Variants in ZNF250 observed in about 807,000 individuals in gnomAD.
ZNF250 encodes the protein zinc finger protein (clone 647).
ZNF250 carries 13 observed loss-of-function variants against 37.1 expected under a neutral mutation model. The ratio of observed to expected loss-of-function variants is 0.35; its 90% CI spans 0.23 to 0.56. The LOEUF (loss-of-function observed/expected upper bound fraction) is 0.56. ZNF250 is among the 20% of genes least tolerant of loss of function. ZNF250 has a pLI of 0.87. For missense variants in ZNF250, 474 were observed against 697.9 expected (o/e 0.68, Z 3.61); for synonymous variants, 251 against 265.6 (o/e 0.94, Z 0.54).
chr8:144,881,375 T>G lies in ZNF250; in HGVS notation c.*140A>C. 1 of 1,313,834 alleles carries G rather than the reference T, an allele frequency of 7.6e-7. No homozygotes were observed. The highest frequency in any genetic ancestry group is 1.0e-6 in the Non-Finnish European group (1 of 990,830). The allele number at this position is 1,313,834 out of a possible 1,614,324, so 81.4% of individuals were successfully genotyped here. On this transcript the variant is annotated 3_prime_UTR_variant, in exon 6 of 6. Coordinates refer to ENST00000417550, the MANE Select transcript of ZNF250 (RefSeq NM_001109689.4). ...CCACAGGAACAGCACGCTAAGTGCTTCTTTCTGGAGTTATTTTGTGACACT... is the reference window on the plus strand; with the variant it reads ...CCACAGGAACAGCACGCTAAGTGCTGCTTTCTGGAGTTATTTTGTGACACT...
chr8:144,890,421 G>C lies in ZNF250; in HGVS notation c.-54-18C>G. On this transcript the variant is annotated intron_variant, in intron 1 of 5. Coordinates refer to ENST00000417550, the MANE Select transcript of ZNF250 (RefSeq NM_001109689.4). The surrounding 1 kb of genome is among the most constrained non-coding windows in gnomAD (Gnocchi z 5.1). ...CTATGGGGCTGAGGAAGAGGAGGGG[G>C]CAAGTGAGGGGCATGGCCTTGAGAC... 1 of 1,381,798 alleles carries C rather than the reference G, an allele frequency of 7.2e-7. No homozygotes were observed. The allele number at this position is 1,381,798 out of a possible 1,614,324, so 85.6% of individuals were successfully genotyped here.
intron 5 of ZNF250, among the ~76,000 whole-genome samples, chr8:144,886,045 C>T (rs1479502218): frequency 6.7e-6 from 1 of 149,700 alleles, no homozygotes; most frequent in Non-Finnish European, 1.5e-5. Context: ...ACTGGTGAGC[C>T]GTGATTATGC....
intron 1 of ZNF250, among the ~76,000 whole-genome samples, chr8:144,899,001 G>A (rs1832908997): frequency 6.6e-6 from 1 of 152,096 alleles, no homozygotes; most frequent in Non-Finnish European, 1.5e-5. Context: ...CAAATAAATG[G>A]ATACAGAAAA....
At chr8:144,885,463 C>T (rs1159670225) in intron 5 of ZNF250, among the ~76,000 whole-genome samples, 3 of 151,446 alleles carry the variant, frequency 2.0e-5, no homozygotes, top group Non-Finnish European at 4.4e-5. Context: ...TAGAAAGTCA[C>T]TCTATGTGGG....
chr8:144,885,072 G>A (rs72699316), intron 5 of ZNF250, among the ~76,000 whole-genome samples: 1 of 152,274 alleles, frequency 6.6e-6, no homozygotes, highest in Non-Finnish European at 1.5e-5. Context: ...GAAACAGTGA[G>A]AATTTAACAG....
chr8:144,881,542 C>A lies in ZNF250; in HGVS notation c.1641G>T (p.Gln547His). 1 of 1,598,850 alleles carries A rather than the reference C, an allele frequency of 6.3e-7. No homozygotes were observed. Among genetic ancestry groups the A allele is most frequent in the Non-Finnish European group, 8.6e-7 (1 of 1,168,964 alleles). Residue 547 changes from glutamine (Q) to histidine (H), a missense_variant, in exon 6 of 6, where the codon CAG becomes CAT. Physicochemically the swap from Gln to His is conservative, Grantham distance 24. Coordinates refer to ENST00000417550, the MANE Select transcript of ZNF250 (RefSeq NM_001109689.4). ...RAFNQHGHLI[Q>H]HQKVHRKL ...ACAACTTTCTGTGCACTTTCTGGTG[C>A]TGGATTAGGTGGCCATGCTGGTTGA...
At position 144,891,583 on chromosome 8, in the gene ZNF250, G is replaced by C. The variant is rs1310251225; in HGVS notation, c.-54-1180C>G. On this transcript the variant is annotated intron_variant, in intron 1 of 5. Coordinates refer to ENST00000417550, the MANE Select transcript of ZNF250 (RefSeq NM_001109689.4). The surrounding 1 kb of genome is among the most constrained non-coding windows in gnomAD (Gnocchi z 4.0). ...ATACAAAAATCAGGCCGGGTGCAGT[G>C]GCTTATGCCTGTAATCCCAGCACTT... 6.6e-6 allele frequency among the ~76,000 whole-genome samples: 1 copy of C among 152,122 alleles called. No homozygotes were observed. Among genetic ancestry groups the C allele is most frequent in the Non-Finnish European group, 1.5e-5 (1 of 68,034 alleles).
rs972971451 is a variant in ZNF250 at position 144,897,195 on chromosome 8, G to A, written c.-55+4204C>T. 6.6e-6 allele frequency among the ~76,000 whole-genome samples: 1 copy of A among 152,142 alleles called. No individual in the cohort carries two copies. The highest frequency in any genetic ancestry group is 1.9e-4 in the East Asian group (1 of 5,190). ...GCACATTTGGAGTCTCCTGATCTGG[G>A]ATGAGCTTCCAGGATCTCCTCCAGG... On this transcript the variant is annotated intron_variant, in intron 1 of 5. Coordinates refer to ENST00000417550, the MANE Select transcript of ZNF250 (RefSeq NM_001109689.4). The surrounding 1 kb of genome is among the most constrained non-coding windows in gnomAD (Gnocchi z 5.2).
Position 144,881,629 on chromosome 8 carries a change from G to C in ZNF250, c.1554C>G (p.Ile518Met). ...GKAFSQYSVLIQHQRIHTGEK... is the reference protein window; with the variant it reads ...GKAFSQYSVLMQHQRIHTGEK... ...CGCCTGTGTGGATCCGCTGGTGCTGGATGAGCACTGAGTACTGGCTGAAGG... is the reference window on the plus strand; with the variant it reads ...CGCCTGTGTGGATCCGCTGGTGCTGCATGAGCACTGAGTACTGGCTGAAGG... The change falls in exon 6 of 6, where the codon ATC (isoleucine) becomes ATG (methionine). Residue 518 changes from isoleucine (I) to methionine (M), a missense_variant. Coordinates refer to ENST00000417550, the MANE Select transcript of ZNF250 (RefSeq NM_001109689.4). 4 of 1,594,874 alleles carry C rather than the reference G, an allele frequency of 2.5e-6. No homozygotes were observed. The highest frequency in any genetic ancestry group is 3.4e-6 in the Non-Finnish European group (4 of 1,172,038).
intron 1 of ZNF250, among the ~76,000 whole-genome samples, chr8:144,894,077 A>G (rs1227374644): frequency 6.6e-6 from 1 of 152,022 alleles, no homozygotes; most frequent in Non-Finnish European, 1.5e-5. Context: ...CATCTCAGAC[A>G]TTTAACATCC....
At chr8:144,896,446 A>G (rs903190491) in intron 1 of ZNF250, among the ~76,000 whole-genome samples, 2 of 152,208 alleles carry the variant, frequency 1.3e-5, no homozygotes, top group African/African-American at 2.4e-5. Context: ...TACTTACACT[A>G]TGGCAGATAA....
intron 1 of ZNF250, among the ~76,000 whole-genome samples, chr8:144,899,084 G>A (rs2129909010): frequency 6.6e-6 from 1 of 152,294 alleles, no homozygotes; most frequent in East Asian, 1.9e-4. Flanking sequence ...CAGCAACAGG[G>A]ATGGAACTGG....
rs1051861875 is a variant in ZNF250 at position 144,879,520 on chromosome 8, T to G, written c.*1995A>C. On this transcript the variant is annotated 3_prime_UTR_variant, in exon 6 of 6. Transcript: ENST00000417550. ...AGGAGTTTGAGGCAGCGGTGAGCCATGATGGCACCACTGCACTCCAACCTG... is the reference window on the plus strand; with the variant it reads ...AGGAGTTTGAGGCAGCGGTGAGCCAGGATGGCACCACTGCACTCCAACCTG... 1 of 152,230 alleles carries G rather than the reference T, an allele frequency of 6.6e-6. No homozygotes were observed. Among genetic ancestry groups the G allele is most frequent in the Non-Finnish European group, 1.5e-5 (1 of 68,088 alleles). 9.4% of individuals were successfully genotyped at this position (152,230 alleles called of 1,614,324 possible).
chr8:144,877,696 C>A lies in ZNF250; in HGVS notation c.*3819G>T, dbSNP rs1831217708. 6.6e-6 allele frequency: 1 copy of A among 152,134 alleles called. No homozygotes were observed. The highest frequency in any genetic ancestry group is 1.5e-5 in the Non-Finnish European group (1 of 68,022). The allele number at this position is 152,134 out of a possible 1,614,324, so 9.4% of individuals were successfully genotyped here. ...GTGGACACCTGAGCCTGCATTCTCACCAGTGGATCAATGGCAGCCTGACAT... is the reference window on the plus strand; with the variant it reads ...GTGGACACCTGAGCCTGCATTCTCAACAGTGGATCAATGGCAGCCTGACAT... On this transcript the variant is annotated 3_prime_UTR_variant, in exon 6 of 6. Transcript: ENST00000417550.
At position 144,878,670 on chromosome 8, in the gene ZNF250, G is replaced by A. The variant is rs1831266831; in HGVS notation, c.*2845C>T. 1.3e-5 allele frequency: 2 copies of A among 151,990 alleles called. No individual in the cohort carries two copies. The highest frequency in any genetic ancestry group is 2.9e-5 in the Non-Finnish European group (2 of 67,994). The allele number at this position is 151,990 out of a possible 1,614,324, so 9.4% of individuals were successfully genotyped here. On this transcript the variant is annotated 3_prime_UTR_variant, in exon 6 of 6. Transcript: ENST00000417550. Reference sequence around the variant, plus strand: ...CTCATCTTTCCGATGGTACAATATAGTGATTTCACTTCCTTTATGAAATAG... The same window carrying A: ...CTCATCTTTCCGATGGTACAATATAATGATTTCACTTCCTTTATGAAATAG...
At position 144,897,345 on chromosome 8, in the gene ZNF250, C is replaced by T. The variant is rs915470134; in HGVS notation, c.-55+4054G>A. On this transcript the variant is annotated intron_variant, in intron 1 of 5. Coordinates refer to ENST00000417550, the MANE Select transcript of ZNF250 (RefSeq NM_001109689.4). The surrounding 1 kb of genome is among the most constrained non-coding windows in gnomAD (Gnocchi z 5.2). Reference sequence around the variant, plus strand: ...GTGAAAGCACTTTCAAGAGAGGCAGCTTCTGAGCCACTTGTGAGCACAAGG... The same window carrying T: ...GTGAAAGCACTTTCAAGAGAGGCAGTTTCTGAGCCACTTGTGAGCACAAGG... Among the ~76,000 whole-genome samples, 18 of 152,246 alleles carry T rather than the reference C, an allele frequency of 1.2e-4. No homozygotes were observed. The highest frequency in any genetic ancestry group is 6.5e-5 in the Admixed American group (1 of 15,280).
Position 144,881,954 on chromosome 8 carries a change from C to T in ZNF250, c.1229G>A (p.Arg410Gln), listed in dbSNP as rs757344069. Residue 410 changes from arginine (R) to glutamine (Q), a missense_variant, in exon 6 of 6, where the codon CGG (arginine) becomes CAG (glutamine). By Grantham distance (43) the Arg-to-Gln change is conservative. Around this residue, in one of 2 missense-constraint regions of ZNF250, gnomAD observed 282 missense variants for 470.4 expected, o/e 0.60. Transcript: ENST00000417550. ...SHRSTLMNHERIHTEEKPYAC... is the reference protein window; with the variant it reads ...SHRSTLMNHEQIHTEEKPYAC... ...ATAGGGCTTTTCCTCGGTGTGGATC[C>T]GCTCGTGATTCATCAGTGTGGAGCG... is the stretch of plus-strand genomic sequence containing the variant. 4.3e-6 allele frequency: 7 copies of T among 1,613,718 alleles called. No homozygotes were observed. The highest frequency in any genetic ancestry group is 2.2e-5 in the South Asian group (2 of 91,040).
rs115609991 is a variant in ZNF250, at chr8:144,882,619, A to G, written c.564T>C (p.Pro188=). 826 of 1,613,890 alleles carry G rather than the reference A, an allele frequency of 5.1e-4. 2 individuals are homozygous for G. The African/African-American group carries it at 1.0e-2, about 20-fold the overall frequency. ...SMPLTPHQAV[P]SGERPYMCVE... Reference sequence around the variant, plus strand: ...CACACATGTAGGGCCTCTCTCCACTAGGCACTGCCTGGTGCGGAGTGAGTG... The same window carrying G: ...CACACATGTAGGGCCTCTCTCCACTGGGCACTGCCTGGTGCGGAGTGAGTG... Residue 188 remains proline (P), a synonymous_variant, in exon 6 of 6, where the codon CCT becomes CCC. Transcript: ENST00000417550. This position sits in a 1 kb window ranked among gnomAD's most constrained non-coding sequence, Gnocchi z 5.5.
Position 144,880,242 on chromosome 8 carries a change from C to A in ZNF250, c.*1273G>T. ...CCCTTCAAATATAGGAATAGAAATA[C>A]TAGAGATAGTAAAAAAGAGCTATCT... On this transcript the variant is annotated 3_prime_UTR_variant, in exon 6 of 6. Transcript: ENST00000417550. 4.5e-5 allele frequency: 12 copies of A among 267,266 alleles called. No homozygotes were observed. Among genetic ancestry groups the A allele is most frequent in the East Asian group, 2.7e-4 (3 of 11,156 alleles). The allele number at this position is 267,266 out of a possible 1,614,324, so 16.6% of individuals were successfully genotyped here. A position where few individuals can be genotyped will look rare whatever the true frequency, so the allele number is the denominator to read the frequency against.
Sources: allele counts gnomAD v4.1 joint callset (sites outside exome capture counted in the v4.1 genomes callset), GRCh38; gene constraint gnomAD v4.1.1; regional missense constraint gnomAD v4.1.1; non-coding constraint Gnocchi (gnomAD v3.1); transcripts MANE v1.5; gene names NCBI Gene and HGNC (gene_info 2026-07-23, HGNC 2026-07-21).